The following METTL14 variants were observed in gnomAD, a reference collection of about 807,000 sequenced individuals.
METTL14 encodes methyltransferase 14, N6-adenosine-methyltransferase non-catalytic subunit, also known as N(6)-adenosine-methyltransferase non-catalytic subunit METTL14.
A neutral mutation model predicts 62.4 loss-of-function variants in METTL14; 32 were observed. That is an observed-to-expected ratio of 0.51 (90% CI 0.39 to 0.69). The LOEUF (loss-of-function observed/expected upper bound fraction) is 0.69. METTL14 is among the 30% of genes least tolerant of loss of function. The pLI is 0.00. For missense variants in METTL14, 340 were observed against 551.9 expected (o/e 0.62, Z 3.85); for synonymous variants, 150 against 180.0 (o/e 0.83, Z 1.34).
intron 7 of METTL14, among the ~76,000 whole-genome samples, chr4:118,698,075 G>C (rs1232594677): frequency 6.6e-6 from 1 of 152,106 alleles, no homozygotes; most frequent in Non-Finnish European, 1.5e-5. Context: ...TTATTCTGAA[G>C]ACGTTAATAA....
chr4:118,705,613 A>C lies in METTL14; in HGVS notation c.858A>C (p.Glu286Asp). Residue 286 changes from glutamate to aspartate, a missense_variant and splice_region_variant, in exon 10 of 11, where the codon GAA becomes GAC. This residue lies in a region of METTL14 where 58 missense variants were observed against 147.5 expected (regional missense o/e 0.39). Transcript: ENST00000388822. ...DPKAVFQRTK[E>D]HCLMGIKGTV... ...ATTGGTCTGCTCTTGTTATTTAGGA[A>C]CACTGCCTCATGGGGATCAAAGGAA... The C allele has an allele frequency of 6.2e-7, 1 of 1,613,750 alleles. No homozygotes were observed. The highest frequency in any genetic ancestry group is 8.5e-7 in the Non-Finnish European group (1 of 1,179,664).
Position 118,713,851 on chromosome 4 carries a change from ACT to A in METTL14, c.*3552_*3553del, listed in dbSNP as rs1401057774. The A allele has an allele frequency of 2.0e-5, 3 of 152,146 alleles. No homozygotes were observed. Among genetic ancestry groups the A allele is most frequent in the Non-Finnish European group, 2.9e-5 (2 of 68,022 alleles). 9.4% of individuals were successfully genotyped at this position (152,146 alleles called of 1,614,324 possible). A position where few individuals can be genotyped will look rare whatever the true frequency, so the allele number is the denominator to read the frequency against. Reference sequence around the variant, plus strand: ...TACCACATTGCTTCTGCTCTCAATAACTCTATCATTTACTCGTATAAATATTG... The same window carrying A: ...TACCACATTGCTTCTGCTCTCAATAACTATCATTTACTCGTATAAATATTG... On this transcript the variant is annotated 3_prime_UTR_variant, in exon 11 of 11. Transcript: ENST00000388822.
rs956353461 is a variant in METTL14, at chr4:118,714,201, C to T, written c.*3899C>T. ...TTTAGGCACATTGTTTGCATATTAA[C>T]GACATGGAAATATTTTCACTCATTT... On this transcript the variant is annotated 3_prime_UTR_variant, in exon 11 of 11. Transcript: ENST00000388822. 3.9e-5 allele frequency: 6 copies of T among 152,186 alleles called. No individual in the cohort carries two copies. The highest frequency in any genetic ancestry group is 1.9e-4 in the East Asian group (1 of 5,196). The allele number at this position is 152,186 out of a possible 1,614,324, so 9.4% of individuals were successfully genotyped here. A position where few individuals can be genotyped will look rare whatever the true frequency, so the allele number is the denominator to read the frequency against.
intron 1 of METTL14, chr4:118,686,589 A>T (rs1163455561): frequency 4.4e-6 from 2 of 456,080 alleles, no homozygotes; most frequent in African/African-American, 4.0e-5. Context: ...ACTTGGAGTC[A>T]GATTTGTTCC....
intron 3 of METTL14, among the ~76,000 whole-genome samples, chr4:118,690,889 A>G (rs1724225999): frequency 6.6e-6 from 1 of 152,188 alleles, no homozygotes; most frequent in Non-Finnish European, 1.5e-5. Flanking sequence ...AGAAAAACCC[A>G]ACTTCTAACT....
In METTL14 at chr4:118,690,035, C is replaced by CTTT. The variant is rs70941200; in HGVS notation, c.243+597_243+599dup. On this transcript the variant is annotated intron_variant, in intron 3 of 10. Coordinates refer to ENST00000388822, the MANE Select transcript of METTL14 (RefSeq NM_020961.4). Reference sequence around the variant, plus strand: ...CTGGTAAGAACTAGGTAATAATATTCTTTTTTTTTTTTTTTTTTTTTGTGA... The same window carrying CTTT: ...CTGGTAAGAACTAGGTAATAATATTCTTTTTTTTTTTTTTTTTTTTTTTTGTGA... 4.2e-3 allele frequency among the ~76,000 whole-genome samples: 366 copies of CTTT among 86,664 alleles called. 8 individuals carry two copies. The highest frequency in any genetic ancestry group is 0.021 in the Middle Eastern group (2 of 94). 56.9% of individuals were successfully genotyped at this position (86,664 alleles called of 152,430 possible).
chr4:118,686,008 C>T (rs753719743), intron 1 of METTL14, among the ~76,000 whole-genome samples: 9 of 152,328 alleles, frequency 5.9e-5, no homozygotes, highest in African/African-American at 2.2e-4. Context: ...AATACGTTTA[C>T]AGTATTTTCT....
rs1399633210 is a variant in METTL14 at position 118,692,062 on chromosome 4, G to T, written c.406G>T (p.Asp136Tyr). The T allele has an allele frequency of 6.2e-7, 1 of 1,600,930 alleles. No individual in the cohort carries two copies. The highest frequency in any genetic ancestry group is 8.5e-7 in the Non-Finnish European group (1 of 1,171,578). Residue 136 changes from aspartate to tyrosine, a missense_variant, in exon 5 of 11, where the codon GAT becomes TAT. Coordinates refer to ENST00000388822, the MANE Select transcript of METTL14 (RefSeq NM_020961.4). ...ACATAGACCTCAGAATTTCATCAGG[G>T]ATGTAGGTATGTCAGGTTTGTTTGG... Reference protein sequence around the residue: ...TGHRPQNFIRDVGLADRFEEY... With the variant: ...TGHRPQNFIRYVGLADRFEEY...
intron 3 of METTL14, among the ~76,000 whole-genome samples, chr4:118,689,674 C>T (rs1447603888): frequency 6.9e-6 from 1 of 145,568 alleles, no homozygotes; most frequent in Non-Finnish European, 1.5e-5. Context: ...GACGGAGTCT[C>T]GCTCTGTCGC....
At chr4:118,695,080 C>G (rs570213318) in intron 6 of METTL14, among the ~76,000 whole-genome samples, 12 of 152,042 alleles carry the variant, frequency 7.9e-5, no homozygotes, top group African/African-American at 2.9e-4. Context: ...GATTTGCCCC[C>G]CTCAACCTCA....
intron 5 of METTL14, 108 bp downstream of exon 5, chr4:118,692,176 C>T (rs1724268074): frequency 6.0e-6 from 4 of 666,646 alleles, no homozygotes; most frequent in East Asian, 3.0e-5. Flanking sequence ...AGCTTGACAT[C>T]TTTTTTTCGT....
chr4:118,715,136 T>A lies in METTL14; in HGVS notation c.*4834T>A, dbSNP rs919770134. 8 of 152,228 alleles carry A rather than the reference T, an allele frequency of 5.3e-5. No homozygotes were observed. Among genetic ancestry groups the A allele is most frequent in the African/African-American group, 1.7e-4 (7 of 41,456 alleles). 9.4% of individuals were successfully genotyped at this position (152,228 alleles called of 1,614,324 possible). ...GGGGGAAAATGTGGAGGTCTAGGCT[T>A]GTGTTGTCACAAAATACACCTTTTA... On this transcript the variant is annotated 3_prime_UTR_variant, in exon 11 of 11. Transcript: ENST00000388822.
intron 5 of METTL14, 114 bp from the exon 6 acceptor site, chr4:118,694,322 T>C (rs1297390541): frequency 2.3e-5 from 15 of 640,290 alleles, no homozygotes; most frequent in Non-Finnish European, 3.8e-5. Flanking sequence ...TTAAAAGATA[T>C]GAGTCAAGTG....
At chr4:118,689,150 A>T (rs1419504972) in intron 2 of METTL14, among the ~76,000 whole-genome samples, 1 of 152,194 alleles carries the variant, frequency 6.6e-6, no homozygotes, top group African/African-American at 2.4e-5. Context: ...CCCTTATAGC[A>T]GCTTATTTTC....
chr4:118,700,786 C>T (rs1579073007), intron 8 of METTL14, 144 bp downstream of exon 8: 2 of 558,396 alleles, frequency 3.6e-6, no homozygotes, highest in East Asian at 3.1e-5. Flanking sequence ...AAAAAATGTC[C>T]AGAAAAGAAC....
intron 10 of METTL14, among the ~76,000 whole-genome samples, chr4:118,707,494 T>C (rs1320833333): frequency 6.6e-6 from 1 of 151,950 alleles, no homozygotes; most frequent in African/African-American, 2.4e-5. Context: ...TGAAACCCTG[T>C]CTCTACTAAA....
chr4:118,687,529 TA>T (rs1197591523), intron 1 of METTL14, among the ~76,000 whole-genome samples: 5 of 152,208 alleles, frequency 3.3e-5, no homozygotes, highest in Admixed American at 1.3e-4. Flanking sequence ...CTCATTGACT[TA>T]CGGTGGAGTT....
rs1724939203 is a variant in METTL14, at chr4:118,712,083, A to G, written c.*1781A>G. On this transcript the variant is annotated 3_prime_UTR_variant, in exon 11 of 11. Coordinates refer to ENST00000388822, the MANE Select transcript of METTL14 (RefSeq NM_020961.4). Reference sequence around the variant, plus strand: ...GAAAAAGTTATTTAAAAAAGAGCAGATGGTGGAAAAAGAATGTAAGACCCA... The same window carrying G: ...GAAAAAGTTATTTAAAAAAGAGCAGGTGGTGGAAAAAGAATGTAAGACCCA... The G allele has an allele frequency of 6.6e-6, 1 of 152,232 alleles. No homozygotes were observed. Among genetic ancestry groups the G allele is most frequent in the Non-Finnish European group, 1.5e-5 (1 of 68,040 alleles). The allele number at this position is 152,232 out of a possible 1,614,324, so 9.4% of individuals were successfully genotyped here.
Position 118,690,284 on chromosome 4 carries a change from C to T in METTL14, c.243+827C>T, listed in dbSNP as rs1466620360. Reference sequence around the variant, plus strand: ...CGAACTCCTGACCTCATGATCCACCCGCCTCGGCCTCCCAAAGTGCTGGGA... The same window carrying T: ...CGAACTCCTGACCTCATGATCCACCTGCCTCGGCCTCCCAAAGTGCTGGGA... On this transcript the variant is annotated intron_variant, in intron 3 of 10. Transcript: ENST00000388822. 1.0e-3 allele frequency among the ~76,000 whole-genome samples: 152 copies of T among 145,506 alleles called. 1 individual carries two copies. The highest frequency in any genetic ancestry group is 4.1e-3 in the Middle Eastern group (1 of 246).
Sources: gnomAD v4.1 joint callset for allele counts (sites outside exome capture counted in the v4.1 genomes callset) on GRCh38, gnomAD v4.1.1 for gene constraint, gnomAD v4.1.1 regional missense constraint, MANE v1.5 for transcripts, NCBI Gene and HGNC (gene_info 2026-07-23, HGNC 2026-07-21) for gene names.